Variants in LSP1 observed in about 807,000 individuals in gnomAD.
The protein encoded by LSP1 is lymphocyte specific protein 1, also known as lymphocyte-specific protein 1.
Under a neutral mutation model 49.3 loss-of-function variants are expected in LSP1, and 32 were observed. That is an observed-to-expected ratio of 0.65 (90% CI 0.49 to 0.87). The LOEUF (loss-of-function observed/expected upper bound fraction) is 0.87, where lower values mean the gene tolerates loss of function less well. LSP1 is among the 40% of genes least tolerant of loss of function. The pLI is 0.00. For missense variants in LSP1, 428 were observed against 442.6 expected (o/e 0.97, Z 0.30); for synonymous variants, 179 against 178.8 (o/e 1.00, Z -0.01).
In LSP1 at chr11:1,887,219, C is replaced by G. The variant is rs1030481747; in HGVS notation, c.853-18C>G. ...TCCAGGGGTCTGCCCTTGTGACATA[C>G]CCTTCTGCTGCCCCCAGGATATTGT... On this transcript the variant is annotated intron_variant, in intron 8 of 10. Coordinates refer to ENST00000311604, the MANE Select transcript of LSP1 (RefSeq NM_002339.3). 4.0e-6 allele frequency: 6 copies of G among 1,498,402 alleles called. No individual in the cohort carries two copies. Among genetic ancestry groups the G allele is most frequent in the Non-Finnish European group, 4.6e-6 (5 of 1,092,984 alleles). 92.8% of individuals were successfully genotyped at this position (1,498,402 alleles called of 1,614,324 possible). A position where few individuals can be genotyped will look rare whatever the true frequency, so the allele number is the denominator to read the frequency against.
In LSP1 at chr11:1,884,184, G is replaced by A. The variant is rs999515633; in HGVS notation, c.592-96G>A. The A allele has an allele frequency of 1.3e-6, 2 of 1,485,380 alleles. No individual in the cohort carries two copies. The highest frequency in any genetic ancestry group is 1.9e-6 in the Non-Finnish European group (2 of 1,063,072). 92.0% of individuals were successfully genotyped at this position (1,485,380 alleles called of 1,614,324 possible). On this transcript the variant is annotated intron_variant, in intron 5 of 10. Transcript: ENST00000311604. The surrounding 1 kb of genome is among the most constrained non-coding windows in gnomAD (Gnocchi z 4.1). ...CTCAGCGAACCCCCATGATATAAGG[G>A]TTGGGGGTTGGATTAGTGGTTGGAG...
chr11:1,890,920 G>A (rs1589837300), intron 10 of LSP1: 3 of 280,146 alleles, frequency 1.1e-5, no homozygotes, highest in East Asian at 1.3e-4. Flanking sequence ...GGGTCAGGCC[G>A]CAACACCGTG....
chr11:1,889,391 G>A, intron 10 of LSP1: 1 of 696,262 alleles, frequency 1.4e-6, no homozygotes, highest in Non-Finnish European at 2.7e-6. Flanking sequence ...CCCACATCCT[G>A]GAGGTCCGGG....
intron 1 of LSP1, chr11:1,866,398 G>C: frequency 1.5e-6 from 2 of 1,315,636 alleles, no homozygotes; most frequent in South Asian, 1.5e-5. Flanking sequence ...GCTAAGTGGG[G>C]TCTGAGGAGT....
At chr11:1,853,680 G>A (rs1444884770) in intron 1 of LSP1, among the ~76,000 whole-genome samples, 1 of 152,228 alleles carries the variant, frequency 6.6e-6, no homozygotes, top group African/African-American at 2.4e-5. Flanking sequence ...AGGCCGCCAG[G>A]CTTGGGGCCC....
chr11:1,886,430 T>C (rs1359264706), intron 7 of LSP1, among the ~76,000 whole-genome samples: 1 of 152,190 alleles, frequency 6.6e-6, no homozygotes, highest in Non-Finnish European at 1.5e-5. Flanking sequence ...CTCTATCCAT[T>C]CAATGTCCCT....
intron 1 of LSP1, chr11:1,870,657 C>T: frequency 1.8e-6 from 2 of 1,083,788 alleles, no homozygotes; most frequent in Non-Finnish European, 2.3e-6. Flanking sequence ...GTGGCTCCCG[C>T]CCAGGTGGGC....
intron 1 of LSP1, among the ~76,000 whole-genome samples, chr11:1,859,017 G>A (rs1847556257): frequency 1.3e-5 from 2 of 152,208 alleles, no homozygotes; most frequent in Non-Finnish European, 2.9e-5. Flanking sequence ...GTTTGTGGCA[G>A]GGAGGGCCTC....
intron 8 of LSP1, among the ~76,000 whole-genome samples, 153 bp from the exon 9 acceptor site, chr11:1,887,084 G>A (rs1260438640): frequency 2.0e-5 from 3 of 152,178 alleles, no homozygotes; most frequent in African/African-American, 7.2e-5. Flanking sequence ...TCCTTTCCCT[G>A]CCTCTTCCAC....
At chr11:1,870,930 C>A (rs942256671) in intron 1 of LSP1, 6 of 985,614 alleles carry the variant, frequency 6.1e-6, no homozygotes. Flanking sequence ...TCCCGAGGGC[C>A]GTCGAGCAAA....
At chr11:1,856,711 T>C (rs1847498375) in intron 1 of LSP1, among the ~76,000 whole-genome samples, 1 of 152,182 alleles carries the variant, frequency 6.6e-6, no homozygotes, top group Non-Finnish European at 1.5e-5. Flanking sequence ...GAAGTCTTCA[T>C]CTGAGCAGCA....
chr11:1,869,741 C>T (rs76102571), intron 1 of LSP1: 37 of 470,092 alleles, frequency 7.9e-5, no homozygotes, highest in African/African-American at 4.4e-4. Flanking sequence ...CGAGGGCTGG[C>T]GAGCTTGCCA....
intron 1 of LSP1, among the ~76,000 whole-genome samples, chr11:1,877,768 G>A (rs1047455883): frequency 5.3e-5 from 8 of 152,200 alleles, no homozygotes; most frequent in South Asian, 2.1e-4. Flanking sequence ...TGGCTGGAGC[G>A]TGGGCTCGTG....
chr11:1,879,800 GA>G (rs1213053843), intron 1 of LSP1, among the ~76,000 whole-genome samples: 2 of 152,176 alleles, frequency 1.3e-5, no homozygotes, highest in Non-Finnish European at 2.9e-5. Flanking sequence ...CTTCAGGCTT[GA>G]ATGGGCCTTG....
rs1157509874 is a variant in LSP1, at chr11:1,884,697, C to T, written c.717+116C>T. ...CGCCTTATTCAACCAACACCCTATCCAACCAATGCTTCTCCATCCAGTCAG... is the reference window on the plus strand; with the variant it reads ...CGCCTTATTCAACCAACACCCTATCTAACCAATGCTTCTCCATCCAGTCAG... On this transcript the variant is annotated intron_variant, in intron 7 of 10. Coordinates refer to ENST00000311604, the MANE Select transcript of LSP1 (RefSeq NM_002339.3). The surrounding 1 kb of genome is among the most constrained non-coding windows in gnomAD (Gnocchi z 4.1). 1 of 793,680 alleles carries T rather than the reference C, an allele frequency of 1.3e-6. No homozygotes were observed. The highest frequency in any genetic ancestry group is 2.1e-6 in the Non-Finnish European group (1 of 477,858). 49.2% of individuals were successfully genotyped at this position (793,680 alleles called of 1,614,324 possible). A position where few individuals can be genotyped will look rare whatever the true frequency, so the allele number is the denominator to read the frequency against.
chr11:1,864,793 G>A (rs1029855009), intron 1 of LSP1, among the ~76,000 whole-genome samples: 1 of 151,936 alleles, frequency 6.6e-6, no homozygotes, highest in Non-Finnish European at 1.5e-5. Context: ...CCTCGTGCCA[G>A]GAGCCGAAGG....
At chr11:1,874,022 AGGAGGGAG>A (rs1244076586) in intron 1 of LSP1, among the ~76,000 whole-genome samples, 2 of 138,818 alleles carry the variant, frequency 1.4e-5, no homozygotes, top group South Asian at 2.4e-4. Context: ...AGGCCGGCAG[AGGAGGGAG>A]GCCGGCAGAG....
intron 1 of LSP1, chr11:1,865,405 C>G (rs1483168420): frequency 5.0e-6 from 1 of 198,152 alleles, no homozygotes; most frequent in African/African-American, 2.4e-5. Flanking sequence ...GGGTGCCAGG[C>G]TGGTTGCGTG....
intron 1 of LSP1, among the ~76,000 whole-genome samples, chr11:1,878,654 G>A (rs1848411350): frequency 6.6e-6 from 1 of 152,154 alleles, no homozygotes; most frequent in Admixed American, 6.5e-5. Flanking sequence ...GTCTGGCCAG[G>A]GGACTGGGGC....
Sources: allele counts gnomAD v4.1 joint callset (sites outside exome capture counted in the v4.1 genomes callset), GRCh38; gene constraint gnomAD v4.1.1; non-coding constraint Gnocchi (gnomAD v3.1); transcripts MANE v1.5; gene names NCBI Gene and HGNC (gene_info 2026-07-23, HGNC 2026-07-21).